PTPN3: variants seen among roughly 807,000 people sequenced by gnomAD.
PTPN3 encodes the protein tyrosine-protein phosphatase non-receptor type 3.
Under a neutral mutation model 132.7 loss-of-function variants are expected in PTPN3, and 96 were observed. That is an observed-to-expected ratio of 0.72 (90% CI 0.61 to 0.86). PTPN3 has a LOEUF of 0.86. Ranked by LOEUF, PTPN3 falls within the 40% of genes least tolerant of loss-of-function variation. The pLI, the probability that PTPN3 is intolerant of heterozygous loss-of-function variation, is 0.00. For missense variants in PTPN3, 1,125 were observed against 1,159.6 expected, an observed-to-expected ratio of 0.97 and a Z score of 0.43; for synonymous variants, 398 against 429.0, an observed-to-expected ratio of 0.93 and a Z score of 0.89.
chr9:109,446,249 C>A (rs1009949491), intron 6 of PTPN3, among the ~76,000 whole-genome samples: 3 of 152,156 alleles, frequency 2.0e-5, no homozygotes, highest in African/African-American at 7.2e-5. Context: ...TTCCCAGCAC[C>A]CCAGTGGGAA....
chr9:109,516,229 G>T, the PTPN3 span, among the ~76,000 whole-genome samples: 1 of 152,094 alleles, frequency 6.6e-6, no homozygotes, highest in South Asian at 2.1e-4. Context: ...CCAGACACCG[G>T]GATACAAAGG....
At chr9:109,488,093 C>CTTTT in intron 1 of PTPN3, among the ~76,000 whole-genome samples, 1 of 121,158 alleles carries the variant, frequency 8.3e-6, no homozygotes, top group Non-Finnish European at 1.8e-5. Flanking sequence ...GAGGGAAGTA[C>CTTTT]TTTTTTTTTT....
chr9:109,409,853 C>CAA (rs1443315242), intron 16 of PTPN3, 146 bp downstream of exon 16: 9 of 1,356,800 alleles, frequency 6.6e-6, no homozygotes, highest in African/African-American at 5.9e-5. Context: ...CAAACAAAAA[C>CAA]AAAAAAAACC....
At chr9:109,437,148 T>G (rs1333324409) in intron 8 of PTPN3, among the ~76,000 whole-genome samples, 178 bp from the exon 9 acceptor site, 1 of 124,774 alleles carries the variant, frequency 8.0e-6, no homozygotes, top group African/African-American at 3.3e-5. Flanking sequence ...TCTTATCCAT[T>G]GAATGTGACT....
At chr9:109,400,034 C>G (rs946016216) in intron 19 of PTPN3, among the ~76,000 whole-genome samples, 1 of 151,416 alleles carries the variant, frequency 6.6e-6, no homozygotes, top group Non-Finnish European at 1.5e-5. Context: ...CTCAAGTGAT[C>G]CTCTCACCTC....
At chr9:109,440,502 G>A (rs1315952159) in intron 7 of PTPN3, among the ~76,000 whole-genome samples, 3 of 152,218 alleles carry the variant, frequency 2.0e-5, no homozygotes, top group Non-Finnish European at 4.4e-5. Flanking sequence ...GAACCCAGGT[G>A]ATCTGAACCC....
chr9:109,458,584 T>C (rs1053716746), intron 2 of PTPN3, among the ~76,000 whole-genome samples: 1 of 152,200 alleles, frequency 6.6e-6, no homozygotes, highest in South Asian at 2.1e-4. Flanking sequence ...AGGCCCCACC[T>C]GCAGAGACTT....
chr9:109,383,209 C>T (rs893972669), intron 23 of PTPN3: 21 of 689,952 alleles, frequency 3.0e-5, no homozygotes, highest in Non-Finnish European at 3.7e-5. Flanking sequence ...ATTCCTCCAT[C>T]GATGGACACT....
At chr9:109,417,757 C>T (rs1842630268) in intron 14 of PTPN3, 1 of 985,326 alleles carries the variant, frequency 1.0e-6, no homozygotes, top group Non-Finnish European at 1.2e-6. Context: ...AACTTGACCC[C>T]CTGACATGTC....
chr9:109,394,511 C>T, intron 19 of PTPN3, among the ~76,000 whole-genome samples: 1 of 150,314 alleles, frequency 6.7e-6, no homozygotes, highest in African/African-American at 2.5e-5. Context: ...GGTGCGATCT[C>T]AGCTCACTGC....
rs761568289 is a variant in PTPN3, at chr9:109,438,086, C to T, written c.587+28G>A. ...TCTGAAAATACCCAACCCAAGTCCC[C>T]AAAGTAGGCCACCCCAGCCCCCCTC... is the stretch of plus-strand genomic sequence containing the variant. On this transcript the variant is annotated intron_variant, in intron 8 of 25. Coordinates refer to ENST00000374541, the MANE Select transcript of PTPN3 (RefSeq NM_002829.4). 3.7e-6 allele frequency: 6 copies of T among 1,600,220 alleles called. No homozygotes were observed. In the African/African-American group the frequency reaches 5.4e-5, roughly 14 times the overall value.
intron 2 of PTPN3, among the ~76,000 whole-genome samples, chr9:109,461,637 G>C (rs1845847288): frequency 6.6e-6 from 1 of 151,988 alleles, no homozygotes; most frequent in African/African-American, 2.4e-5. Flanking sequence ...TGTGCCTGTA[G>C]TCCCAGCTGC....
chr9:109,492,555 A>G (rs1847510912), intron 1 of PTPN3, among the ~76,000 whole-genome samples: 1 of 152,192 alleles, frequency 6.6e-6, no homozygotes, highest in Non-Finnish European at 1.5e-5. Context: ...AGTTTTCCAC[A>G]TTAGCTCATT....
At chr9:109,407,072 C>A (rs1841627260) in intron 17 of PTPN3, among the ~76,000 whole-genome samples, 1 of 152,136 alleles carries the variant, frequency 6.6e-6, no homozygotes, top group African/African-American at 2.4e-5. Flanking sequence ...AATTGAACAG[C>A]ACAGGAAAGA....
rs1485415942 is a variant in PTPN3, at chr9:109,408,792, A to ATATATAT, written c.1579-416_1579-415insATATATA. Among the ~76,000 whole-genome samples the ATATATAT allele has an allele frequency of 3.3e-3, 206 of 62,364 alleles. 1 individual carries two copies. Among genetic ancestry groups the ATATATAT allele is most frequent in the South Asian group, 0.011 (22 of 1,952 alleles). The allele number at this position is 62,364 out of a possible 152,430, so 40.9% of individuals were successfully genotyped here. ...GAACTTATAATAATTAAAAAAAAAA[A>ATATATAT]AAAAATATATATATATATATATATA... is the stretch of plus-strand genomic sequence containing the variant. On this transcript the variant is annotated intron_variant, in intron 16 of 25. Coordinates refer to ENST00000374541, the MANE Select transcript of PTPN3 (RefSeq NM_002829.4).
chr9:109,410,946 C>T (rs746356896), intron 14 of PTPN3, among the ~76,000 whole-genome samples: 3 of 152,204 alleles, frequency 2.0e-5, no homozygotes, highest in East Asian at 1.9e-4. Context: ...TGAACTGCCA[C>T]GCTGAGATCT....
intron 19 of PTPN3, among the ~76,000 whole-genome samples, chr9:109,391,803 T>C (rs566893474): frequency 1.0e-3 from 138 of 131,456 alleles, no homozygotes; most frequent in Middle Eastern, 4.8e-3. Context: ...TCTCAGGTAA[T>C]GGAGCATGGT....
At chr9:109,460,884 C>CTT (rs1845814160) in intron 2 of PTPN3, among the ~76,000 whole-genome samples, 1 of 152,188 alleles carries the variant, frequency 6.6e-6, no homozygotes, top group Non-Finnish European at 1.5e-5. Flanking sequence ...CAGAACAAAG[C>CTT]TTAGCCCATA....
intron 1 of PTPN3, among the ~76,000 whole-genome samples, chr9:109,485,292 G>A (rs1331406729): frequency 6.6e-6 from 1 of 152,190 alleles, no homozygotes; most frequent in Non-Finnish European, 1.5e-5. Flanking sequence ...TGGATCACGA[G>A]GTCAGGAGAT....
Sources: gnomAD v4.1 joint callset for allele counts (sites outside exome capture counted in the v4.1 genomes callset) on GRCh38, gnomAD v4.1.1 for gene constraint, MANE v1.5 for transcripts, NCBI Gene and HGNC (gene_info 2026-07-23, HGNC 2026-07-21) for gene names.